The following GNAQ variants were observed in gnomAD, a reference collection of about 807,000 sequenced individuals.
GNAQ encodes the protein guanine nucleotide-binding protein G(q) subunit alpha.
GNAQ carries 8 observed loss-of-function variants against 43.9 expected under a neutral mutation model. That is an observed-to-expected ratio of 0.18 (90% CI 0.11 to 0.33). The LOEUF (loss-of-function observed/expected upper bound fraction) is 0.33. Ranked by LOEUF, GNAQ falls within the 10% of genes least tolerant of loss-of-function variation. The pLI is 1.00. For missense variants in GNAQ, 158 were observed against 450.8 expected, an observed-to-expected ratio of 0.35 and a Z score of 5.88; for synonymous variants, 155 against 170.7, an observed-to-expected ratio of 0.91 and a Z score of 0.71.
At chr9:77,816,506 A>G (rs1023423808) in intron 2 of GNAQ, among the ~76,000 whole-genome samples, 3 of 152,182 alleles carry the variant, frequency 2.0e-5, no homozygotes, top group Non-Finnish European at 4.4e-5. Flanking sequence ...TAAGATTGCA[A>G]TGAAAATATT....
chr9:77,728,498 A>G lies in GNAQ; in HGVS notation c.889+16T>C. ...CTATTCACAGCTACTGAGCTGTGGT[A>G]TGAGTGCTGACTTACCATCATATTC... On this transcript the variant is annotated intron_variant, in intron 6 of 6. Coordinates refer to ENST00000286548, the MANE Select transcript of GNAQ (RefSeq NM_002072.5). The G allele has an allele frequency of 6.3e-7, 1 of 1,580,586 alleles. No individual in the cohort carries two copies. Among genetic ancestry groups the G allele is most frequent in the Non-Finnish European group, 8.7e-7 (1 of 1,151,190 alleles).
chr9:77,834,677 T>G (rs551740132), intron 2 of GNAQ, among the ~76,000 whole-genome samples: 6 of 152,138 alleles, frequency 3.9e-5, no homozygotes, highest in Non-Finnish European at 8.8e-5. Context: ...GCCTGGATGC[T>G]GGTGGGAGCA....
chr9:78,011,772 T>A (rs2118582139), intron 1 of GNAQ, among the ~76,000 whole-genome samples: 1 of 152,156 alleles, frequency 6.6e-6, no homozygotes, highest in East Asian at 1.9e-4. Flanking sequence ...ACACAAATAA[T>A]GGAGAGATAC....
chr9:77,760,765 C>T lies in GNAQ; in HGVS notation c.736-32098G>A, dbSNP rs560187933. Among the ~76,000 whole-genome samples, 35 of 150,894 alleles carry T rather than the reference C, an allele frequency of 2.3e-4. No individual in the cohort carries two copies. In the South Asian group the frequency reaches 6.5e-3, roughly 28 times the overall value. On this transcript the variant is annotated intron_variant, in intron 5 of 6. Transcript: ENST00000286548. ...GCCATCCCATCTAGGAAGTGAGGAG[C>T]GCCTCTTCCCGGCCGCCATCCCATC...
chr9:77,722,875 C>A (rs893956775), intron 6 of GNAQ, among the ~76,000 whole-genome samples: 3 of 152,098 alleles, frequency 2.0e-5, no homozygotes, highest in Admixed American at 6.5e-5. Context: ...AACTTCTGGC[C>A]TCAAGCAGTC....
intron 2 of GNAQ, among the ~76,000 whole-genome samples, chr9:77,911,589 T>C (rs1052599989): frequency 1.3e-5 from 2 of 152,194 alleles, no homozygotes; most frequent in Non-Finnish European, 1.5e-5. Context: ...TCCCAATAGC[T>C]TGAGATCATA....
intron 4 of GNAQ, among the ~76,000 whole-genome samples, chr9:77,794,844 T>TA (rs1360320792): frequency 2.6e-5 from 4 of 152,146 alleles, no homozygotes; most frequent in Non-Finnish European, 5.9e-5. Context: ...TGTAACACTG[T>TA]AAAAAACATC....
chr9:77,903,028 G>C (rs1269148913), intron 2 of GNAQ, among the ~76,000 whole-genome samples: 1 of 152,046 alleles, frequency 6.6e-6, no homozygotes, highest in Admixed American at 6.6e-5. Flanking sequence ...AGGTGTCAAT[G>C]GTCTGTTAGA....
intron 1 of GNAQ, among the ~76,000 whole-genome samples, chr9:77,947,152 C>T (rs118099564): frequency 2.0e-5 from 3 of 152,350 alleles, no homozygotes; most frequent in Non-Finnish European, 4.4e-5. Flanking sequence ...CAGAGGCCAG[C>T]TGGCTGCTCC....
intron 5 of GNAQ, among the ~76,000 whole-genome samples, chr9:77,737,883 A>G (rs901083505): frequency 5.3e-5 from 8 of 152,334 alleles, no homozygotes; most frequent in African/African-American, 1.9e-4. Flanking sequence ...TCATTTGCTC[A>G]GGTCCGCTTA....
chr9:77,897,626 G>A (rs1006996129), intron 2 of GNAQ, among the ~76,000 whole-genome samples: 1 of 152,170 alleles, frequency 6.6e-6, no homozygotes, highest in Non-Finnish European at 1.5e-5. Context: ...GCAAAACTTC[G>A]GGTGGGGGTG....
chr9:77,795,034 T>A (rs1826635517), intron 4 of GNAQ, among the ~76,000 whole-genome samples: 1 of 152,138 alleles, frequency 6.6e-6, no homozygotes, highest in Admixed American at 6.5e-5. Context: ...CAAGTATACT[T>A]AAAATATGTG....
chr9:77,912,740 G>A (rs1828828905), intron 2 of GNAQ, among the ~76,000 whole-genome samples: 1 of 152,160 alleles, frequency 6.6e-6, no homozygotes, highest in Non-Finnish European at 1.5e-5. Flanking sequence ...TATTTTATAA[G>A]AGATAACCAA....
intron 5 of GNAQ, among the ~76,000 whole-genome samples, chr9:77,786,077 A>T (rs1826471869): frequency 6.6e-6 from 1 of 152,184 alleles, no homozygotes; most frequent in Non-Finnish European, 1.5e-5. Context: ...GGGAAGGAGC[A>T]CAATTAGAAG....
intron 2 of GNAQ, among the ~76,000 whole-genome samples, chr9:77,861,296 A>C (rs966265450): frequency 6.6e-6 from 1 of 152,166 alleles, no homozygotes; most frequent in Non-Finnish European, 1.5e-5. Context: ...TTCCCACAAC[A>C]CATGGGAATT....
At position 77,842,822 on chromosome 9, in the gene GNAQ, G is replaced by A. The variant is rs565650424; in HGVS notation, c.322-27052C>T. Among the ~76,000 whole-genome samples, 8 of 152,178 alleles carry A rather than the reference G, an allele frequency of 5.3e-5. No individual in the cohort carries two copies. The East Asian group carries it at 1.2e-3, about 22-fold the overall frequency. ...TCTTTTACAAGGTTCCAATGGGTACGTGTATCTTCTGCCAGGCTCCTAGAA... is the reference window on the plus strand; with the variant it reads ...TCTTTTACAAGGTTCCAATGGGTACATGTATCTTCTGCCAGGCTCCTAGAA... On this transcript the variant is annotated intron_variant, in intron 2 of 6. Coordinates refer to ENST00000286548, the MANE Select transcript of GNAQ (RefSeq NM_002072.5).
intron 2 of GNAQ, among the ~76,000 whole-genome samples, chr9:77,848,474 C>T (rs558140556): frequency 3.3e-5 from 5 of 152,358 alleles, no homozygotes; most frequent in African/African-American, 1.2e-4. Flanking sequence ...ATCTCTGAGG[C>T]AGCAATTCAA....
chr9:77,721,169 A>G lies in GNAQ; in HGVS notation c.*154T>C, dbSNP rs1311018709. The G allele has an allele frequency of 9.2e-6, 5 of 540,868 alleles. No individual in the cohort carries two copies. The highest frequency in any genetic ancestry group is 1.9e-5 in the African/African-American group (1 of 51,702). The allele number at this position is 540,868 out of a possible 1,614,324, so 33.5% of individuals were successfully genotyped here. ...TCTGAATAGTTTAAATAAAATCATA[A>G]TATTTACTACAAACTCTGTGGACAC... On this transcript the variant is annotated 3_prime_UTR_variant, in exon 7 of 7. Transcript: ENST00000286548.
intron 2 of GNAQ, among the ~76,000 whole-genome samples, chr9:77,919,473 G>A (rs904108639): frequency 7.2e-5 from 11 of 152,114 alleles, no homozygotes; most frequent in African/African-American, 2.7e-4. Context: ...GAGGGGCTGG[G>A]AAGCTATCAG....
Sources: gnomAD v4.1 joint callset for allele counts (sites outside exome capture counted in the v4.1 genomes callset) on GRCh38, gnomAD v4.1.1 for gene constraint, MANE v1.5 for transcripts, NCBI Gene and HGNC (gene_info 2026-07-23, HGNC 2026-07-21) for gene names.